NICOL1: variants seen among roughly 807,000 people sequenced by gnomAD.
NICOL1 encodes the protein NELL2 interacting cell ontogeny regulator 1, also known as NELL2-interacting cell ontogeny regulator 1.
chr4:2,040,296 G>C, the NICOL1 span, among the ~76,000 whole-genome samples: 3 of 152,114 alleles, frequency 2.0e-5, no homozygotes, highest in Non-Finnish European at 4.4e-5. Flanking sequence ...TAGTAGACAC[G>C]GGGTTTCGCC....
chr4:2,042,839 C>T, the NICOL1 span: 6 of 1,469,974 alleles, frequency 4.1e-6, no homozygotes, highest in Admixed American at 2.3e-5. Context: ...GCGCCCGCGG[C>T]GCGACGGTCC....
the NICOL1 span, among the ~76,000 whole-genome samples, chr4:2,037,475 C>T: frequency 6.6e-6 from 1 of 152,172 alleles, no homozygotes; most frequent in Non-Finnish European, 1.5e-5. Context: ...AAGATGAGAA[C>T]TCATCAATAT....
chr4:2,042,789 G>C, the NICOL1 span: 1 of 1,517,898 alleles, frequency 6.6e-7, no homozygotes, highest in Non-Finnish European at 8.8e-7. Flanking sequence ...CGCCCTGCAG[G>C]ACCTGCGGAA....
the NICOL1 span, among the ~76,000 whole-genome samples, chr4:2,038,331 AG>A: frequency 4.1e-4 from 60 of 146,890 alleles, no homozygotes; most frequent in African/African-American, 1.5e-3. Context: ...TCTGTTGCCC[AG>A]GCTGGAGTGC....
the NICOL1 span, among the ~76,000 whole-genome samples, chr4:2,038,128 A>T: frequency 6.7e-6 from 1 of 149,458 alleles, no homozygotes; most frequent in African/African-American, 2.4e-5. Flanking sequence ...TATTTTTGTT[A>T]TTATAAGTAA....
the NICOL1 span, chr4:2,042,211 TC>T: frequency 1.2e-6 from 1 of 809,496 alleles, no homozygotes; most frequent in African/African-American, 2.2e-5. Flanking sequence ...GGTGGGTGGG[TC>T]CAGGGCTCCC....
At chr4:2,038,502 G>T in the NICOL1 span, among the ~76,000 whole-genome samples, 39,275 of 151,412 alleles carry the variant, frequency 0.26, 5,388 homozygotes, top group East Asian at 0.35. Context: ...TTGCTATGTT[G>T]TCCAAGCTGG....
chr4:2,040,093 G>A, the NICOL1 span, among the ~76,000 whole-genome samples: 1 of 151,908 alleles, frequency 6.6e-6, no homozygotes, highest in Non-Finnish European at 1.5e-5. Context: ...TGCATTTTTG[G>A]TAAGAAATAT....
the NICOL1 span, among the ~76,000 whole-genome samples, chr4:2,043,019 G>GC: frequency 6.6e-6 from 1 of 152,118 alleles, no homozygotes; most frequent in Non-Finnish European, 1.5e-5. Flanking sequence ...CCTATGAGAC[G>GC]CCCCTCTCTC....
At chr4:2,043,921 C>T in the NICOL1 span, 1 of 1,548,112 alleles carries the variant, frequency 6.5e-7, no homozygotes, top group Non-Finnish European at 8.7e-7. Flanking sequence ...GCCAGCGGGG[C>T]ACTGAGGACC....
At chr4:2,043,467 C>G in the NICOL1 span, among the ~76,000 whole-genome samples, 1 of 152,318 alleles carries the variant, frequency 6.6e-6, no homozygotes, top group East Asian at 1.9e-4. Flanking sequence ...TGGGAACACT[C>G]CAGAGGGCTC....
chr4:2,040,918 C>T, the NICOL1 span, among the ~76,000 whole-genome samples: 1 of 149,614 alleles, frequency 6.7e-6, no homozygotes, highest in Admixed American at 6.7e-5. Flanking sequence ...ACGCGAGAAG[C>T]AGGTGCGTCC....
the NICOL1 span, among the ~76,000 whole-genome samples, chr4:2,038,769 A>G: frequency 4.1e-3 from 622 of 152,300 alleles, 3 homozygotes; most frequent in African/African-American, 0.014. Flanking sequence ...ATTGAGATTA[A>G]TTATTTCTTC....
chr4:2,040,047 G>C, the NICOL1 span, among the ~76,000 whole-genome samples: 1 of 152,096 alleles, frequency 6.6e-6, no homozygotes, highest in Non-Finnish European at 1.5e-5. Context: ...GACAGAGAGA[G>C]AGAGACAGAG....
chr4:2,042,918 T>TC, the NICOL1 span: 2 of 792,396 alleles, frequency 2.5e-6, no homozygotes, highest in Non-Finnish European at 3.7e-6. Flanking sequence ...GAGTGGAGTG[T>TC]CCCTCATCCT....
chr4:2,042,144 G>T, the NICOL1 span: 1 of 1,453,040 alleles, frequency 6.9e-7, no homozygotes. Context: ...GCTGGGCCCG[G>T]AGACCGGCGG....
the NICOL1 span, chr4:2,042,508 G>C: frequency 7.2e-6 from 3 of 415,454 alleles, no homozygotes; most frequent in Non-Finnish European, 1.3e-5. Context: ...GCCGGGTTCC[G>C]GGGAGCGGGG....
At chr4:2,041,010 G>A in the NICOL1 span, among the ~76,000 whole-genome samples, 26 of 152,172 alleles carry the variant, frequency 1.7e-4, no homozygotes, top group African/African-American at 6.3e-4. Context: ...GGGGAGGGGG[G>A]CGCCCGAGGC....
chr4:2,042,699 C>G, the NICOL1 span: 3 of 1,290,748 alleles, frequency 2.3e-6, no homozygotes, highest in South Asian at 4.2e-5. Context: ...GGTGACCCCC[C>G]CTGCGCCCCC....
Sources: gnomAD v4.1 joint callset for allele counts (sites outside exome capture counted in the v4.1 genomes callset) on GRCh38, gnomAD v4.1.1 for gene constraint, MANE v1.5 for transcripts, NCBI Gene and HGNC (gene_info 2026-07-23, HGNC 2026-07-21) for gene names.